SI: variants seen among roughly 807,000 people sequenced by gnomAD.
SI encodes the protein sucrase-isomaltase, intestinal.
Under a neutral mutation model 253.3 loss-of-function variants are expected in SI, and 235 were observed. The observed-to-expected ratio is 0.93, with a 90% CI of 0.83 to 1.03. SI has a LOEUF of 1.03. Ranked by LOEUF, SI falls within the 50% of genes least tolerant of loss-of-function variation. The pLI, the probability that SI is intolerant of heterozygous loss-of-function variation, is 0.00. For missense variants in SI, 2,442 were observed against 2,211.1 expected, an observed-to-expected ratio of 1.10 and a Z score of -2.09; for synonymous variants, 819 against 712.0, an observed-to-expected ratio of 1.15 and a Z score of -2.39.
At chr3:165,053,014 C>A (rs988250758) in intron 13 of SI, among the ~76,000 whole-genome samples, 1 of 151,608 alleles carries the variant, frequency 6.6e-6, no homozygotes, top group Non-Finnish European at 1.5e-5. Context: ...AAAATAACAA[C>A]AATGATATCA....
rs55811828 is a variant in SI, at chr3:164,996,250, C to A, written c.4692+285G>T. ...CTCTGTCTTTAACCTGTCCATCATG[C>A]GCATTTTGCTAATTTATCATTTTTC... On this transcript the variant is annotated intron_variant, in intron 40 of 47. Coordinates refer to ENST00000264382, the MANE Select transcript of SI (RefSeq NM_001041.4). Among the ~76,000 whole-genome samples the A allele has an allele frequency of 1.3e-5, 2 of 151,676 alleles. 1 individual carries two copies. The highest frequency in any genetic ancestry group is 4.8e-5 in the African/African-American group (2 of 41,338).
chr3:165,062,209 GAAA>G (rs1018752692), intron 9 of SI, among the ~76,000 whole-genome samples, 159 bp downstream of exon 9: 4 of 144,688 alleles, frequency 2.8e-5, no homozygotes, highest in African/African-American at 1.0e-4. Flanking sequence ...TTGTATAGGG[GAAA>G]AAAAAAACAC....
intron 31 of SI, among the ~76,000 whole-genome samples, chr3:165,016,701 T>C (rs1368837147): frequency 2.0e-5 from 3 of 152,002 alleles, no homozygotes; most frequent in Non-Finnish European, 4.4e-5. Context: ...GAATATTCAA[T>C]TGAAGCCTAA....
At chr3:165,056,958 A>T (rs1055678068) in intron 12 of SI, among the ~76,000 whole-genome samples, 1 of 152,030 alleles carries the variant, frequency 6.6e-6, no homozygotes, top group Non-Finnish European at 1.5e-5. Context: ...AATCAAGACC[A>T]TCCAGGAAAA....
chr3:165,078,595 C>T (rs1314529605), upstream of SI: 2 of 151,808 alleles, frequency 1.3e-5, no homozygotes, highest in Non-Finnish European at 3.0e-5. Context: ...GCTCAACATA[C>T]AATTGTTAAA....
intron 19 of SI, 61 bp from the exon 20 acceptor site, chr3:165,039,195 AT>A: frequency 8.5e-7 from 1 of 1,177,346 alleles, no homozygotes. Context: ...ATCTTATCAA[AT>A]ATTAAGTTGG....
intron 37 of SI, among the ~76,000 whole-genome samples, chr3:165,002,576 G>GA (rs901437944): frequency 4.5e-4 from 69 of 151,674 alleles, no homozygotes; most frequent in African/African-American, 1.6e-3. Context: ...TATAACTTGA[G>GA]AAAAAAACGT....
intron 22 of SI, among the ~76,000 whole-genome samples, chr3:165,034,277 CTGAT>C (rs1012566915): frequency 1.3e-5 from 2 of 151,820 alleles, no homozygotes; most frequent in Non-Finnish European, 2.9e-5. Flanking sequence ...TATTAGATAA[CTGAT>C]TGAATTATAT....
chr3:165,073,648 A>G (rs1315380878), intron 3 of SI, among the ~76,000 whole-genome samples: 1 of 152,106 alleles, frequency 6.6e-6, no homozygotes, highest in Non-Finnish European at 1.5e-5. Context: ...CAAAATGTCA[A>G]TATATAGAGT....
intron 45 of SI, among the ~76,000 whole-genome samples, chr3:164,985,425 T>C (rs1717390331): frequency 6.6e-6 from 1 of 152,168 alleles, no homozygotes; most frequent in Admixed American, 6.6e-5. Flanking sequence ...CTAACTTGTG[T>C]TGATATCTTC....
intron 41 of SI, among the ~76,000 whole-genome samples, chr3:164,992,771 A>T (rs1717826341): frequency 6.6e-6 from 1 of 151,902 alleles, no homozygotes; most frequent in Non-Finnish European, 1.5e-5. Flanking sequence ...ATTGTGAGAC[A>T]TACTGTAAGA....
Position 165,043,188 on chromosome 3 carries a change from T to C in SI, c.1888-13A>G, listed in dbSNP as rs192635214. On this transcript the variant is annotated splice_polypyrimidine_tract_variant and intron_variant, in intron 16 of 47. Transcript: ENST00000264382. Reference sequence around the variant, plus strand: ...TGTCTGCTCCAACCTAAATAACAAATATATTTACTATTTATAATGTTAAGA... The same window carrying C: ...TGTCTGCTCCAACCTAAATAACAAACATATTTACTATTTATAATGTTAAGA... 37 of 1,524,884 alleles carry C rather than the reference T, an allele frequency of 2.4e-5. No homozygotes were observed. In the African/African-American group the frequency reaches 4.7e-4, roughly 19 times the overall value. 94.5% of individuals were successfully genotyped at this position (1,524,884 alleles called of 1,614,324 possible). A position where few individuals can be genotyped will look rare whatever the true frequency, so the allele number is the denominator to read the frequency against.
chr3:165,032,430 G>T (rs1250327980), intron 24 of SI, 92 bp downstream of exon 24: 3 of 829,544 alleles, frequency 3.6e-6, no homozygotes, highest in Non-Finnish European at 5.8e-6. Context: ...AATACACACT[G>T]TGAGGAGAAA....
chr3:165,088,753 T>G, the SI span, among the ~76,000 whole-genome samples: 1 of 151,022 alleles, frequency 6.6e-6, no homozygotes, highest in South Asian at 2.1e-4. Flanking sequence ...ATAAACATTT[T>G]AAAGGTTTTT....
rs1283161674 is a variant in SI at position 164,994,276 on chromosome 3, T to G, written c.4822A>C (p.Ile1608Leu). 1 of 1,610,980 alleles carries G rather than the reference T, an allele frequency of 6.2e-7. No homozygotes were observed. The highest frequency in any genetic ancestry group is 8.5e-7 in the Non-Finnish European group (1 of 1,177,904). ...ACTTACTCATGCAAAAGGGGTCGGA[T>G]AACAGTGCCACCATTAGCATGAATT... Reference protein sequence around the residue: ...HEIHANGGTVIRPLLHEFFDE... With the variant: ...HEIHANGGTVLRPLLHEFFDE... Residue 1608 changes from isoleucine to leucine, a missense_variant, in exon 41 of 48, where the codon ATC becomes CTC. Coordinates refer to ENST00000264382, the MANE Select transcript of SI (RefSeq NM_001041.4).
At chr3:164,985,042 A>C (rs1717371703) in intron 45 of SI, among the ~76,000 whole-genome samples, 1 of 152,200 alleles carries the variant, frequency 6.6e-6, no homozygotes, top group South Asian at 2.1e-4. Context: ...TTGGCAAAAA[A>C]CAATTTTTTA....
the SI span, among the ~76,000 whole-genome samples, chr3:165,085,671 C>T: frequency 6.6e-6 from 1 of 152,078 alleles, no homozygotes; most frequent in South Asian, 2.1e-4. Context: ...CAATCACTGC[C>T]TCATAAACAA....
In SI at chr3:165,032,607, G is replaced by A; in HGVS notation, c.2651C>T (p.Thr884Ile). The A allele has an allele frequency of 1.2e-6, 2 of 1,608,464 alleles. No individual in the cohort carries two copies. The highest frequency in any genetic ancestry group is 1.1e-5 in the South Asian group (1 of 90,922). The change falls in exon 24 of 48, where the codon ACA (threonine) becomes ATA (isoleucine). Residue 884 changes from threonine (T) to isoleucine (I), a missense_variant. By Grantham distance (89) the Thr-to-Ile change is moderately conservative. Coordinates refer to ENST00000264382, the MANE Select transcript of SI (RefSeq NM_001041.4). ...AFQTVKILGL[T>I]DSVTEVRVAE... is the part of the protein sequence containing the mutation. Reference sequence around the variant, plus strand: ...CACTCTAACTTCTGTAACACTGTCTGTCAACCCAAGGATTTTTACAGTCTG... The same window carrying A: ...CACTCTAACTTCTGTAACACTGTCTATCAACCCAAGGATTTTTACAGTCTG...
At chr3:165,044,301 T>G (rs1342928107) in intron 16 of SI, among the ~76,000 whole-genome samples, 3 of 152,022 alleles carry the variant, frequency 2.0e-5, no homozygotes, top group Non-Finnish European at 4.4e-5. Context: ...TATTCTATGG[T>G]GTACATACAT....
Sources: gnomAD v4.1 joint callset for allele counts (sites outside exome capture counted in the v4.1 genomes callset) on GRCh38, gnomAD v4.1.1 for gene constraint, MANE v1.5 for transcripts, NCBI Gene and HGNC (gene_info 2026-07-23, HGNC 2026-07-21) for gene names.